The following SNX9 variants were observed in gnomAD, a reference collection of about 807,000 sequenced individuals.
SNX9 encodes the protein sorting nexin 9, also known as sorting nexin-9.
In SNX9, 44 loss-of-function variants were observed where a neutral mutation model predicts 89.4. The observed-to-expected ratio is 0.49, with a 90% CI of 0.39 to 0.63. The LOEUF (loss-of-function observed/expected upper bound fraction) is 0.63. SNX9 is among the 30% of genes least tolerant of loss of function. The pLI is 0.00. For missense variants in SNX9, 578 were observed against 736.1 expected, an observed-to-expected ratio of 0.79 and a Z score of 2.49; for synonymous variants, 236 against 247.8, an observed-to-expected ratio of 0.95 and a Z score of 0.45.
At chr6:157,866,209 C>G (rs1475430796) in intron 1 of SNX9, among the ~76,000 whole-genome samples, 1 of 152,178 alleles carries the variant, frequency 6.6e-6, no homozygotes, top group Non-Finnish European at 1.5e-5. Context: ...CAAGGATCCT[C>G]TTGAGGAAGA....
At chr6:157,834,864 T>C (rs971080830) in intron 1 of SNX9, among the ~76,000 whole-genome samples, 1 of 152,126 alleles carries the variant, frequency 6.6e-6, no homozygotes. Flanking sequence ...CAACAGTATG[T>C]AAAGCGTATT....
chr6:157,931,090 G>A (rs569073648), intron 12 of SNX9, among the ~76,000 whole-genome samples: 2 of 152,292 alleles, frequency 1.3e-5, no homozygotes, highest in East Asian at 1.9e-4. Flanking sequence ...GCTCTTTTGT[G>A]GGGTGGGGAA....
chr6:157,878,453 G>A (rs1160371753), intron 4 of SNX9, among the ~76,000 whole-genome samples: 3 of 145,280 alleles, frequency 2.1e-5, no homozygotes, highest in South Asian at 2.1e-4. Flanking sequence ...TTTTTGAGAC[G>A]GAGTCTCGCT....
chr6:157,882,878 T>C (rs1483844596), intron 4 of SNX9, among the ~76,000 whole-genome samples: 1 of 152,208 alleles, frequency 6.6e-6, no homozygotes, highest in Non-Finnish European at 1.5e-5. Flanking sequence ...ATTTAGAATA[T>C]TCCATAAACT....
intron 10 of SNX9, among the ~76,000 whole-genome samples, chr6:157,922,951 C>T (rs778596522): frequency 2.0e-4 from 30 of 152,206 alleles, no homozygotes; most frequent in Non-Finnish European, 4.3e-4. Context: ...CTGGTTCCCA[C>T]AAGACTTTAA....
At chr6:157,938,990 A>C (rs1783982197) in intron 16 of SNX9, among the ~76,000 whole-genome samples, 1 of 152,142 alleles carries the variant, frequency 6.6e-6, no homozygotes, top group Non-Finnish European at 1.5e-5. Context: ...TATTTCTGAG[A>C]GACATTTAAG....
intron 17 of SNX9, 55 bp downstream of exon 17, chr6:157,941,029 A>C (rs1784025942): frequency 2.1e-6 from 3 of 1,425,362 alleles, no homozygotes; most frequent in Non-Finnish European, 2.0e-6. Flanking sequence ...GTTCCTGGTA[A>C]ACCACTTTGA....
At chr6:157,867,955 A>G (rs1277411430) in intron 2 of SNX9, among the ~76,000 whole-genome samples, 1 of 152,122 alleles carries the variant, frequency 6.6e-6, no homozygotes, top group Non-Finnish European at 1.5e-5. Context: ...ATTACTTACA[A>G]CCTTTTAGGT....
At position 157,823,835 on chromosome 6, in the gene SNX9, C is replaced by T. The variant is rs756540254; in HGVS notation, c.12+389C>T. Among the ~76,000 whole-genome samples the T allele has an allele frequency of 4.3e-4, 65 of 152,092 alleles. No homozygotes were observed. The highest frequency in any genetic ancestry group is 7.1e-4 in the Non-Finnish European group (48 of 67,940). On this transcript the variant is annotated intron_variant, in intron 1 of 17. Coordinates refer to ENST00000392185, the MANE Select transcript of SNX9 (RefSeq NM_016224.5). This position sits in a 1 kb window ranked among gnomAD's most constrained non-coding sequence, Gnocchi z 4.6. The stretch of plus-strand genomic sequence containing the variant: ...GGCGCTCTGTGGCGTCCGGCGTCCC[C>T]GCCGCCCCCACGTCCCCTCCCGCTG...
At chr6:157,828,909 C>T (rs1030550523) in intron 1 of SNX9, among the ~76,000 whole-genome samples, 1 of 152,142 alleles carries the variant, frequency 6.6e-6, no homozygotes, top group Middle Eastern at 3.4e-3. Flanking sequence ...ATGGCTGGCT[C>T]CTTTGAATGC....
intron 4 of SNX9, among the ~76,000 whole-genome samples, chr6:157,891,605 G>A (rs1782862967): frequency 6.6e-6 from 1 of 152,144 alleles, no homozygotes; most frequent in Admixed American, 6.5e-5. Context: ...TTTATGCAAG[G>A]CATTTGGAGA....
At chr6:157,934,738 AC>A (rs746811985) in intron 13 of SNX9, among the ~76,000 whole-genome samples, 2 of 152,078 alleles carry the variant, frequency 1.3e-5, no homozygotes, top group African/African-American at 4.8e-5. Flanking sequence ...AATGAAGAAA[AC>A]CCCTAAAGTC....
chr6:157,937,448 C>A lies in SNX9; in HGVS notation c.1458C>A (p.Leu486=). 6.2e-7 allele frequency: 1 copy of A among 1,613,116 alleles called. No individual in the cohort carries two copies. The highest frequency in any genetic ancestry group is 1.1e-5 in the South Asian group (1 of 90,974). Residue 486 remains leucine, a synonymous_variant, in exon 15 of 18, where the codon CTC becomes CTA. Transcript: ENST00000392185. ...SLVAEQPKKD[L]HFLMECNHEY... ...TCTTGTTATAGCCAAAGAAAGATCTCCATTTCCTGATGGAATGTAATCACG... is the reference window on the plus strand; with the variant it reads ...TCTTGTTATAGCCAAAGAAAGATCTACATTTCCTGATGGAATGTAATCACG...
chr6:157,907,646 T>C (rs182227478), intron 7 of SNX9, among the ~76,000 whole-genome samples: 78 of 152,280 alleles, frequency 5.1e-4, no homozygotes, highest in African/African-American at 9.4e-4. Context: ...AGCTAAGGGT[T>C]CCAGCCTTTC....
At chr6:157,866,210 T>C (rs1782257607) in intron 1 of SNX9, among the ~76,000 whole-genome samples, 1 of 152,230 alleles carries the variant, frequency 6.6e-6, no homozygotes, top group Non-Finnish European at 1.5e-5. Context: ...AAGGATCCTC[T>C]TGAGGAAGAG....
At chr6:157,840,423 T>TCTTTCTTTCTTTC (rs1554291571) in intron 1 of SNX9, among the ~76,000 whole-genome samples, 1 of 139,740 alleles carries the variant, frequency 7.2e-6, no homozygotes, top group Admixed American at 7.0e-5. Flanking sequence ...TTCTTTCTTT[T>TCTTTCTTTCTTTC]CTTTCTTTTC....
intron 1 of SNX9, among the ~76,000 whole-genome samples, chr6:157,833,208 A>T (rs1781508182): frequency 6.6e-6 from 1 of 152,190 alleles, no homozygotes; most frequent in African/African-American, 2.4e-5. Context: ...TGCACATAAG[A>T]AGTTTTTTTA....
chr6:157,896,553 G>C (rs985832046), intron 4 of SNX9, among the ~76,000 whole-genome samples: 7 of 152,210 alleles, frequency 4.6e-5, no homozygotes, highest in South Asian at 2.1e-4. Context: ...GAGGGCTGTA[G>C]CTGCATCTAA....
chr6:157,932,106 A>G (rs112166628), intron 12 of SNX9, 89 bp from the exon 13 acceptor site: 2 of 1,169,750 alleles, frequency 1.7e-6, no homozygotes. Flanking sequence ...GAATCACTTC[A>G]AAAGTTACTG....
Sources: allele counts gnomAD v4.1 joint callset (sites outside exome capture counted in the v4.1 genomes callset), GRCh38; gene constraint gnomAD v4.1.1; non-coding constraint Gnocchi (gnomAD v3.1); transcripts MANE v1.5; gene names NCBI Gene and HGNC (gene_info 2026-07-23, HGNC 2026-07-21).